The following SPATS2 variants were observed in gnomAD, a reference collection of about 807,000 sequenced individuals.
SPATS2 encodes spermatogenesis associated serine rich 2.
A neutral mutation model predicts 63.7 loss-of-function variants in SPATS2; 38 were observed. The observed-to-expected ratio is 0.60, with a 90% CI of 0.46 to 0.78. The LOEUF is 0.78. Ranked by LOEUF, SPATS2 falls within the 30% of genes least tolerant of loss-of-function variation. The pLI is 0.00. For synonymous variants in SPATS2, 207 were observed against 232.9 expected, an observed-to-expected ratio of 0.89 and a Z score of 1.01; for missense variants, 588 against 666.2, an observed-to-expected ratio of 0.88 and a Z score of 1.29.
chr12:49,482,288 A>C (rs1434926221), intron 3 of SPATS2, among the ~76,000 whole-genome samples: 2 of 152,356 alleles, frequency 1.3e-5, no homozygotes, highest in East Asian at 3.9e-4. Flanking sequence ...GCCACTGGGC[A>C]GCATTGGCAG....
chr12:49,504,924 C>T (rs1198375499), intron 9 of SPATS2, among the ~76,000 whole-genome samples: 1 of 151,858 alleles, frequency 6.6e-6, no homozygotes, highest in East Asian at 1.9e-4. Flanking sequence ...CAACCATGCC[C>T]AGCTAATTTT....
intron 1 of SPATS2, among the ~76,000 whole-genome samples, chr12:49,368,330 C>A (rs2137119180): frequency 6.6e-6 from 1 of 152,238 alleles, no homozygotes; most frequent in East Asian, 1.9e-4. Context: ...ATTTACTTCC[C>A]CTCTGTTTAG....
Position 49,512,789 on chromosome 12 carries a change from A to G in SPATS2, c.840-1766A>G, listed in dbSNP as rs546987176. ...GTCTGCATCTTAAGGTGATTTGGCA[A>G]CATAAGAGAGGTAATGTCAAACTGT... is the stretch of plus-strand genomic sequence containing the variant. On this transcript the variant is annotated intron_variant, in intron 9 of 13. Transcript: ENST00000552918. 1.0e-5 allele frequency: 11 copies of G among 1,105,192 alleles called. No individual in the cohort carries two copies. In the African/African-American group the frequency reaches 1.1e-4, roughly 11 times the overall value. The allele number at this position is 1,105,192 out of a possible 1,614,324, so 68.5% of individuals were successfully genotyped here.
chr12:49,476,438 T>C (rs1367275789), intron 3 of SPATS2, among the ~76,000 whole-genome samples: 3 of 152,188 alleles, frequency 2.0e-5, no homozygotes, highest in African/African-American at 7.2e-5. Context: ...AATCTGATTC[T>C]TCTGGTACAA....
intron 2 of SPATS2, among the ~76,000 whole-genome samples, chr12:49,387,543 A>G (rs1157903135): frequency 6.6e-6 from 1 of 151,296 alleles, no homozygotes; most frequent in Non-Finnish European, 1.5e-5. Flanking sequence ...AGGATGAGGC[A>G]GGAGAATCTC....
At chr12:49,433,957 A>G (rs769372039) in intron 2 of SPATS2, among the ~76,000 whole-genome samples, 2 of 152,106 alleles carry the variant, frequency 1.3e-5, no homozygotes, top group African/African-American at 2.4e-5. Context: ...ATTTTTGTGT[A>G]TGGTGTAAGG....
At chr12:49,409,356 A>T (rs1050472519) in intron 2 of SPATS2, among the ~76,000 whole-genome samples, 20 of 152,098 alleles carry the variant, frequency 1.3e-4, no homozygotes, top group Admixed American at 2.0e-4. Flanking sequence ...CCCAGGCTGG[A>T]GTGCAGTGTC....
chr12:49,416,239 C>CT (rs1565710942), intron 2 of SPATS2, among the ~76,000 whole-genome samples: 1 of 152,026 alleles, frequency 6.6e-6, no homozygotes, highest in African/African-American at 2.4e-5. Context: ...GTTGGAATCA[C>CT]TTAGAAGCCT....
chr12:49,374,892 C>T (rs941455756), intron 2 of SPATS2, among the ~76,000 whole-genome samples: 7 of 124,472 alleles, frequency 5.6e-5, no homozygotes, highest in South Asian at 5.6e-4. Context: ...ACCTGGCAGG[C>T]GGAGGTTGCA....
chr12:49,444,724 C>T (rs989804490), intron 2 of SPATS2, among the ~76,000 whole-genome samples: 25 of 151,976 alleles, frequency 1.6e-4, no homozygotes, highest in Non-Finnish European at 3.5e-4. Context: ...CTGTCTCAGC[C>T]TGCTGAGTAG....
chr12:49,470,072 A>C (rs1268132366), intron 3 of SPATS2, among the ~76,000 whole-genome samples: 1 of 151,724 alleles, frequency 6.6e-6, no homozygotes, highest in Non-Finnish European at 1.5e-5. Flanking sequence ...TTTGTTGCCC[A>C]GGCTGGAGTG....
At chr12:49,507,598 A>G (rs555303142) in intron 9 of SPATS2, among the ~76,000 whole-genome samples, 7 of 152,318 alleles carry the variant, frequency 4.6e-5, no homozygotes, top group Admixed American at 2.0e-4. Context: ...TCAAAATTCT[A>G]CCACCTTAAC....
chr12:49,502,589 T>A (rs924320476), intron 9 of SPATS2, among the ~76,000 whole-genome samples: 1 of 152,170 alleles, frequency 6.6e-6, no homozygotes, highest in African/African-American at 2.4e-5. Context: ...GTCCCCTAGC[T>A]GGGACTACAA....
intron 4 of SPATS2, among the ~76,000 whole-genome samples, chr12:49,488,663 A>G (rs1351445981): frequency 6.6e-6 from 1 of 152,178 alleles, no homozygotes; most frequent in South Asian, 2.1e-4. Context: ...CTCAAAATAA[A>G]TAAATAAGAG....
chr12:49,375,141 A>AGTGTGTGTGTGT (rs10601423), intron 2 of SPATS2, among the ~76,000 whole-genome samples: 2 of 123,312 alleles, frequency 1.6e-5, no homozygotes, highest in East Asian at 2.5e-4. Context: ...CAAGTTGTGG[A>AGTGTGTGTGTGT]GTGTGTGTGT....
In SPATS2 at chr12:49,496,887, A is replaced by G; in HGVS notation, c.581A>G (p.His194Arg). 1.2e-6 allele frequency: 2 copies of G among 1,613,940 alleles called. No homozygotes were observed. Among genetic ancestry groups the G allele is most frequent in the Non-Finnish European group, 1.7e-6 (2 of 1,179,964 alleles). Residue 194 changes from histidine (H) to arginine (R), a missense_variant, in exon 8 of 14, where the codon CAC becomes CGC. Transcript: ENST00000552918. ...SDFETKSLTM[H>R]SIHNSQQPRN... is the part of the protein sequence containing the mutation. ...TTTGAGACCAAGTCTTTGACTATGC[A>G]CTCTATTCACAATTCTCAACAACCC...
intron 2 of SPATS2, among the ~76,000 whole-genome samples, chr12:49,436,644 CCGGGCAGAGGGG>C: frequency 7.8e-6 from 1 of 128,212 alleles, no homozygotes; most frequent in South Asian, 2.6e-4. Flanking sequence ...GGGCGGCTGG[CCGGGCAGAGGGG>C]CTCCTCTCTT....
intron 10 of SPATS2, among the ~76,000 whole-genome samples, chr12:49,515,724 A>G (rs1278698998): frequency 2.0e-5 from 3 of 152,222 alleles, no homozygotes; most frequent in Non-Finnish European, 2.9e-5. Flanking sequence ...AGTTTTGAGA[A>G]GAAGGTCCTT....
chr12:49,488,180 G>A (rs552247925), intron 4 of SPATS2, among the ~76,000 whole-genome samples: 2 of 151,988 alleles, frequency 1.3e-5, no homozygotes, highest in African/African-American at 2.4e-5. Flanking sequence ...GAGTATCTGG[G>A]ATTACAGGCA....
Sources: gnomAD v4.1 joint callset for allele counts (sites outside exome capture counted in the v4.1 genomes callset) on GRCh38, gnomAD v4.1.1 for gene constraint, MANE v1.5 for transcripts, NCBI Gene and HGNC (gene_info 2026-07-23, HGNC 2026-07-21) for gene names.